The following STK32B variants were observed in gnomAD, a reference collection of about 807,000 sequenced individuals.
STK32B encodes the protein serine/threonine-protein kinase 32B.
Under a neutral mutation model 52.6 loss-of-function variants are expected in STK32B, and 43 were observed. That is an observed-to-expected ratio of 0.82 (90% CI 0.64 to 1.05). The LOEUF is 1.05. Ranked by LOEUF, STK32B falls within the 50% of genes least tolerant of loss-of-function variation. The pLI is 0.00. For synonymous variants in STK32B, 238 were observed against 204.3 expected (o/e 1.17, Z -1.41); for missense variants, 621 against 534.6 (o/e 1.16, Z -1.59).
intron 5 of STK32B, among the ~76,000 whole-genome samples, chr4:5,408,378 T>C (rs1737814497): frequency 6.6e-6 from 1 of 152,056 alleles, no homozygotes; most frequent in Non-Finnish European, 1.5e-5. Flanking sequence ...CCGTCTCTCT[T>C]CCTCCTGCTC....
chr4:5,094,182 C>T lies in STK32B; in HGVS notation c.52+42267C>T, dbSNP rs137857907. Among the ~76,000 whole-genome samples the T allele has an allele frequency of 3.9e-3, 593 of 152,164 alleles. 5 individuals carry two copies. The highest frequency in any genetic ancestry group is 0.013 in the African/African-American group (556 of 41,510). On this transcript the variant is annotated intron_variant, in intron 1 of 11. Coordinates refer to ENST00000282908, the MANE Select transcript of STK32B (RefSeq NM_018401.3). ...AGAGTGTAATGATTCAAGAAAAAGCCGTCACTATATGAAAACTTAAAGCAA... is the reference window on the plus strand; with the variant it reads ...AGAGTGTAATGATTCAAGAAAAAGCTGTCACTATATGAAAACTTAAAGCAA...
chr4:5,302,130 A>G (rs1729601405), intron 3 of STK32B, among the ~76,000 whole-genome samples: 1 of 151,504 alleles, frequency 6.6e-6, no homozygotes, highest in African/African-American at 2.4e-5. Flanking sequence ...AACATTTTTG[A>G]GTTAAAACAG....
At chr4:5,388,330 C>T (rs1171358379) in intron 4 of STK32B, among the ~76,000 whole-genome samples, 1 of 152,220 alleles carries the variant, frequency 6.6e-6, no homozygotes, top group East Asian at 1.9e-4. Context: ...GAGAACTAAT[C>T]ATCACTTATT....
chr4:5,480,148 T>C (rs1447151522), intron 11 of STK32B, among the ~76,000 whole-genome samples: 1 of 152,250 alleles, frequency 6.6e-6, no homozygotes, highest in African/African-American at 2.4e-5. Flanking sequence ...CAGACCGATA[T>C]AGTGCCATTC....
Position 5,395,784 on chromosome 4 carries a change from T to C in STK32B, c.435-2423T>C, listed in dbSNP as rs2109042591. On this transcript the variant is annotated intron_variant, in intron 4 of 11. Transcript: ENST00000282908. The surrounding 1 kb of genome is among the most constrained non-coding windows in gnomAD (Gnocchi z 4.4). Reference sequence around the variant, plus strand: ...GAAGCAGAGGCAGAGATCATGCAGGTAGTCAAAAGTGAGACTGGAGTTGGA... The same window carrying C: ...GAAGCAGAGGCAGAGATCATGCAGGCAGTCAAAAGTGAGACTGGAGTTGGA... Among the ~76,000 whole-genome samples, 1 of 152,340 alleles carries C rather than the reference T, an allele frequency of 6.6e-6. No individual in the cohort carries two copies. Among genetic ancestry groups the C allele is most frequent in the Non-Finnish European group, 1.5e-5 (1 of 68,024 alleles).
intron 1 of STK32B, among the ~76,000 whole-genome samples, chr4:5,099,443 T>TGCGC (rs1254946685): frequency 3.7e-5 from 4 of 109,032 alleles, no homozygotes; most frequent in South Asian, 2.7e-4. Context: ...TGTGTGTGTG[T>TGCGC]GTGTGTGCGC....
At chr4:5,289,312 C>T (rs1216839646) in intron 3 of STK32B, among the ~76,000 whole-genome samples, 1 of 152,120 alleles carries the variant, frequency 6.6e-6, no homozygotes, top group Non-Finnish European at 1.5e-5. Flanking sequence ...ATGGAGTTGG[C>T]AGGCCTGGAA....
At chr4:5,166,027 G>A (rs1718844299) in intron 2 of STK32B, among the ~76,000 whole-genome samples, 1 of 152,160 alleles carries the variant, frequency 6.6e-6, no homozygotes, top group African/African-American at 2.4e-5. Flanking sequence ...GGCCAAGAGA[G>A]GCACAAAGAA....
At chr4:5,411,876 C>T (rs561415508) in intron 5 of STK32B, among the ~76,000 whole-genome samples, 7 of 152,252 alleles carry the variant, frequency 4.6e-5, no homozygotes, top group Admixed American at 4.6e-4. Flanking sequence ...CCCAAACTGA[C>T]TAAGACATAG....
chr4:5,386,446 AC>A lies in STK32B; in HGVS notation c.435-11760del, dbSNP rs950169964. 2.4e-4 allele frequency among the ~76,000 whole-genome samples: 37 copies of A among 152,290 alleles called. No homozygotes were observed. The highest frequency in any genetic ancestry group is 8.2e-4 in the African/African-American group (34 of 41,558). On this transcript the variant is annotated intron_variant, in intron 4 of 11. Transcript: ENST00000282908. This position sits in a 1 kb window ranked among gnomAD's most constrained non-coding sequence, Gnocchi z 4.5. ...AGGTAATTCTTGATGGTCCAAGAGC[AC>A]TGGCCATGGAGAAAGATTGATCCAG...
chr4:5,032,501 A>T, the STK32B span, among the ~76,000 whole-genome samples: 1 of 140,710 alleles, frequency 7.1e-6, no homozygotes, highest in African/African-American at 2.6e-5. Context: ...AAAAAAAAAA[A>T]GAAGAAAGAG....
intron 11 of STK32B, among the ~76,000 whole-genome samples, chr4:5,492,480 G>A (rs1305098200): frequency 1.3e-5 from 2 of 152,020 alleles, no homozygotes; most frequent in African/African-American, 4.8e-5. Flanking sequence ...TTTGGGCTGA[G>A]ACAATGGGGT....
chr4:5,080,353 A>G lies in STK32B; in HGVS notation c.52+28438A>G, dbSNP rs148529694. Among the ~76,000 whole-genome samples the G allele has an allele frequency of 2.3e-3, 345 of 152,190 alleles. 1 individual carries two copies. Among genetic ancestry groups the G allele is most frequent in the African/African-American group, 7.9e-3 (327 of 41,548 alleles). ...CTGCTGTCACATTTGCTTTCTTGCTATTCTTTGAACACTCAGGCACTGCTT... is the reference window on the plus strand; with the variant it reads ...CTGCTGTCACATTTGCTTTCTTGCTGTTCTTTGAACACTCAGGCACTGCTT... On this transcript the variant is annotated intron_variant, in intron 1 of 11. Coordinates refer to ENST00000282908, the MANE Select transcript of STK32B (RefSeq NM_018401.3).
chr4:5,257,977 C>T (rs1726446235), intron 3 of STK32B, among the ~76,000 whole-genome samples: 1 of 152,060 alleles, frequency 6.6e-6, no homozygotes, highest in Non-Finnish European at 1.5e-5. Flanking sequence ...AAAAACAATA[C>T]AGCAGGGGAA....
At chr4:5,440,156 T>A (rs1184069715) in intron 6 of STK32B, among the ~76,000 whole-genome samples, 1 of 152,208 alleles carries the variant, frequency 6.6e-6, no homozygotes, top group African/African-American at 2.4e-5. Context: ...CTTTGGTAGC[T>A]TGATGGGGAT....
At chr4:5,471,244 T>C (rs1252096734) in intron 11 of STK32B, among the ~76,000 whole-genome samples, 1 of 152,166 alleles carries the variant, frequency 6.6e-6, no homozygotes, top group Non-Finnish European at 1.5e-5. Flanking sequence ...TACTTCAGAA[T>C]GTGACCTTAT....
intron 3 of STK32B, among the ~76,000 whole-genome samples, chr4:5,273,825 C>T (rs1727609195): frequency 2.4e-5 from 3 of 126,296 alleles, no homozygotes; most frequent in African/African-American, 9.5e-5. Context: ...GGGAATATCA[C>T]ACTCTGGGGA....
At chr4:5,479,321 G>T (rs1214117908) in intron 11 of STK32B, among the ~76,000 whole-genome samples, 1 of 151,940 alleles carries the variant, frequency 6.6e-6, no homozygotes, top group Non-Finnish European at 1.5e-5. Context: ...GTTTCACCAT[G>T]TTGGTCAGGC....
At chr4:5,305,129 G>T (rs7442313) in intron 3 of STK32B, among the ~76,000 whole-genome samples, 17,953 of 151,954 alleles carry the variant, frequency 0.12, 2,630 homozygotes, top group African/African-American at 0.35. Flanking sequence ...TGTTCATCAG[G>T]GATATTGGTC....
Sources: allele counts gnomAD v4.1 joint callset (sites outside exome capture counted in the v4.1 genomes callset), GRCh38; gene constraint gnomAD v4.1.1; non-coding constraint Gnocchi (gnomAD v3.1); transcripts MANE v1.5; gene names NCBI Gene and HGNC (gene_info 2026-07-23, HGNC 2026-07-21).